Variants in GAS7 observed in about 807,000 individuals in gnomAD.
GAS7 encodes the protein growth arrest specific 7, also known as growth arrest-specific protein 7.
Under a neutral mutation model 71.1 loss-of-function variants are expected in GAS7, and 28 were observed. The ratio of observed to expected loss-of-function variants is 0.39; its 90% CI spans 0.29 to 0.54. The LOEUF is 0.54. GAS7 is among the 20% of genes least tolerant of loss of function. The pLI is 0.62. For missense variants in GAS7, 436 were observed against 627.8 expected (o/e 0.69, Z 3.27); for synonymous variants, 258 against 245.8 (o/e 1.05, Z -0.46).
chr17:10,151,559 T>C (rs1260800779), intron 1 of GAS7, among the ~76,000 whole-genome samples: 2 of 152,188 alleles, frequency 1.3e-5, no homozygotes, highest in Non-Finnish European at 2.9e-5. Flanking sequence ...TATCTATTTA[T>C]TTACAGATAG....
intron 1 of GAS7, among the ~76,000 whole-genome samples, chr17:10,070,755 C>A (rs182115631): frequency 6.6e-6 from 1 of 152,008 alleles, no homozygotes; most frequent in Admixed American, 6.6e-5. Flanking sequence ...GCAAAGATGC[C>A]GTCCCTCCTG....
chr17:9,920,293 G>C (rs34068256), intron 11 of GAS7, among the ~76,000 whole-genome samples: 1 of 152,248 alleles, frequency 6.6e-6, no homozygotes, highest in East Asian at 1.9e-4. Flanking sequence ...GCACACCCCA[G>C]CTTCAGGAGA....
rs550485484 is a variant in GAS7 at position 9,911,534 on chromosome 17, T to C, written c.*5694A>G. 5.1e-5 allele frequency: 12 copies of C among 233,334 alleles called. No individual in the cohort carries two copies. The East Asian group carries it at 7.2e-4, about 14-fold the overall frequency. 14.5% of individuals were successfully genotyped at this position (233,334 alleles called of 1,614,324 possible). On this transcript the variant is annotated 3_prime_UTR_variant, in exon 14 of 14. Coordinates refer to ENST00000432992, the MANE Select transcript of GAS7 (RefSeq NM_201433.2). The surrounding 1 kb of genome is among the most constrained non-coding windows in gnomAD (Gnocchi z 4.0). ...TCCCAGGAAGCCCTCCTGACAGCCA[T>C]GCCCCAGCATTTAGAACGTGGGGAG...
intron 1 of GAS7, among the ~76,000 whole-genome samples, chr17:10,163,021 A>G (rs1198084410): frequency 6.6e-6 from 1 of 152,226 alleles, no homozygotes; most frequent in Non-Finnish European, 1.5e-5. Flanking sequence ...ATCATAGTTT[A>G]AAAAATAAAT....
intron 2 of GAS7, among the ~76,000 whole-genome samples, chr17:9,994,602 A>G (rs2070966487): frequency 1.3e-5 from 2 of 150,478 alleles, no homozygotes; most frequent in Admixed American, 6.6e-5. Flanking sequence ...AGGCATTACC[A>G]TTCAGGACAT....
intron 2 of GAS7, among the ~76,000 whole-genome samples, chr17:10,000,379 T>C (rs139805042): frequency 6.6e-6 from 1 of 152,284 alleles, no homozygotes; most frequent in African/African-American, 2.4e-5. Flanking sequence ...ATCCAGGTGT[T>C]GGAGGTAGGA....
At chr17:10,168,244 C>G (rs1357972098) in intron 1 of GAS7, among the ~76,000 whole-genome samples, 2 of 151,294 alleles carry the variant, frequency 1.3e-5, no homozygotes, top group East Asian at 3.9e-4. Flanking sequence ...TGTATATGTG[C>G]TAACAAAAAA....
intron 1 of GAS7, among the ~76,000 whole-genome samples, chr17:10,063,954 A>G (rs990145156): frequency 6.6e-6 from 1 of 152,082 alleles, no homozygotes; most frequent in Non-Finnish European, 1.5e-5. Context: ...TCCAAAGGCC[A>G]TTGCCAAAGA....
chr17:10,074,967 G>A (rs1555531161), intron 1 of GAS7, among the ~76,000 whole-genome samples: 1 of 149,012 alleles, frequency 6.7e-6, no homozygotes, highest in South Asian at 2.1e-4. Flanking sequence ...AAAAAAAATA[G>A]GATAATCTGG....
chr17:10,098,043 C>CAAA (rs34381280), intron 1 of GAS7, among the ~76,000 whole-genome samples: 4 of 136,844 alleles, frequency 2.9e-5, no homozygotes, highest in African/African-American at 1.1e-4. Flanking sequence ...GACTCCATCT[C>CAAA]AAAAAAAAAA....
chr17:9,982,097 A>C (rs1160249091), intron 2 of GAS7, among the ~76,000 whole-genome samples: 2 of 151,984 alleles, frequency 1.3e-5, no homozygotes, highest in Non-Finnish European at 2.9e-5. Flanking sequence ...TCCCATGACC[A>C]CAGAGCTTGT....
intron 1 of GAS7, among the ~76,000 whole-genome samples, chr17:10,159,088 ATATATATATT>A (rs2074230411): frequency 8.2e-6 from 1 of 121,374 alleles, no homozygotes; most frequent in Non-Finnish European, 1.7e-5. Flanking sequence ...ATATATATAT[ATATATATATT>A]AAAGATAACA....
intron 5 of GAS7, among the ~76,000 whole-genome samples, chr17:9,956,763 C>T (rs2069254763): frequency 6.6e-6 from 1 of 152,208 alleles, no homozygotes; most frequent in South Asian, 2.1e-4. Flanking sequence ...CTGGAAATTT[C>T]TGCTCTGCGG....
intron 1 of GAS7, among the ~76,000 whole-genome samples, chr17:10,149,596 C>T (rs1157722545): frequency 6.6e-6 from 1 of 152,144 alleles, no homozygotes; most frequent in Non-Finnish European, 1.5e-5. Flanking sequence ...CCACTCCTAG[C>T]TAGAGACCCA....
At chr17:10,082,930 C>T (rs2152252243) in intron 1 of GAS7, among the ~76,000 whole-genome samples, 1 of 152,284 alleles carries the variant, frequency 6.6e-6, no homozygotes, top group African/African-American at 2.4e-5. Flanking sequence ...CTAGAACAAA[C>T]AAAACTAACC....
At chr17:10,063,726 A>G (rs1250406750) in intron 1 of GAS7, among the ~76,000 whole-genome samples, 1 of 152,090 alleles carries the variant, frequency 6.6e-6, no homozygotes, top group African/African-American at 2.4e-5. Flanking sequence ...CTCTTAACTC[A>G]TCACCTCCAC....
intron 1 of GAS7, among the ~76,000 whole-genome samples, chr17:10,036,988 G>A (rs908350481): frequency 6.6e-6 from 1 of 152,178 alleles, no homozygotes; most frequent in Non-Finnish European, 1.5e-5. Context: ...CACAGCTCTG[G>A]TCCTGGCCCC....
chr17:10,161,491 A>T (rs533331174), intron 1 of GAS7, among the ~76,000 whole-genome samples: 3 of 152,354 alleles, frequency 2.0e-5, no homozygotes, highest in Admixed American at 6.5e-5. Context: ...CCACTACAGT[A>T]GGTGCCATCT....
chr17:10,122,382 C>T (rs1418137049), intron 1 of GAS7, among the ~76,000 whole-genome samples: 1 of 152,224 alleles, frequency 6.6e-6, no homozygotes, highest in African/African-American at 2.4e-5. Flanking sequence ...AGACAGCCTC[C>T]GTTCTAGGCA....
Sources: allele counts gnomAD v4.1 joint callset (sites outside exome capture counted in the v4.1 genomes callset), GRCh38; gene constraint gnomAD v4.1.1; non-coding constraint Gnocchi (gnomAD v3.1); transcripts MANE v1.5; gene names NCBI Gene and HGNC (gene_info 2026-07-23, HGNC 2026-07-21).